The following NDST4 variants were observed in gnomAD, a reference collection of about 807,000 sequenced individuals.
NDST4 encodes N-deacetylase and N-sulfotransferase 4.
A neutral mutation model predicts 100.8 loss-of-function variants in NDST4; 63 were observed. The observed-to-expected ratio is 0.62, with a 90% CI of 0.51 to 0.77. NDST4 has a LOEUF of 0.77. Ranked by LOEUF, NDST4 falls within the 30% of genes least tolerant of loss-of-function variation. NDST4 has a pLI of 0.00. For synonymous variants in NDST4, 377 were observed against 361.8 expected (o/e 1.04, Z -0.48); for missense variants, 943 against 1,018.4 (o/e 0.93, Z 1.01).
chr4:115,022,486 A>ATGTGTTCCATATATATG (rs560000757), intron 2 of NDST4, among the ~76,000 whole-genome samples: 1 of 83,838 alleles, frequency 1.2e-5, no homozygotes, highest in African/African-American at 6.3e-5. Context: ...TTCCATATAT[A>ATGTGTTCCATATATATG]TGTTCCATAT....
intron 1 of NDST4, among the ~76,000 whole-genome samples, chr4:115,100,833 C>T (rs977947692): frequency 1.3e-5 from 2 of 150,620 alleles, no homozygotes; most frequent in Admixed American, 1.3e-4. Context: ...TCCTGCTCTG[C>T]CCTCCTTTCC....
chr4:114,897,636 T>G (rs1343303753), intron 6 of NDST4, among the ~76,000 whole-genome samples: 1 of 152,152 alleles, frequency 6.6e-6, no homozygotes, highest in Non-Finnish European at 1.5e-5. Flanking sequence ...TATGTTTAGT[T>G]TCATAAGAAA....
intron 2 of NDST4, among the ~76,000 whole-genome samples, chr4:115,025,444 A>G (rs768727408): frequency 2.0e-5 from 3 of 152,154 alleles, no homozygotes; most frequent in Non-Finnish European, 4.4e-5. Flanking sequence ...TAATTTGCTT[A>G]TGAACATGAA....
chr4:114,981,808 T>C (rs991683275), intron 2 of NDST4, among the ~76,000 whole-genome samples: 8 of 152,196 alleles, frequency 5.3e-5, no homozygotes, highest in African/African-American at 1.9e-4. Context: ...GTCATGTGCA[T>C]ATTCACATTT....
At chr4:114,988,014 C>G (rs954589696) in intron 2 of NDST4, among the ~76,000 whole-genome samples, 1 of 152,180 alleles carries the variant, frequency 6.6e-6, no homozygotes, top group Non-Finnish European at 1.5e-5. Flanking sequence ...CATTAACTCT[C>G]TGCAAGTGAT....
At chr4:114,993,647 A>G (rs1172736638) in intron 2 of NDST4, among the ~76,000 whole-genome samples, 1 of 151,944 alleles carries the variant, frequency 6.6e-6, no homozygotes, top group Non-Finnish European at 1.5e-5. Context: ...AAACCAAATG[A>G]TGAAGGCAAC....
At chr4:114,861,732 T>C (rs1485612199) in intron 7 of NDST4, among the ~76,000 whole-genome samples, 3 of 152,078 alleles carry the variant, frequency 2.0e-5, no homozygotes, top group Non-Finnish European at 2.9e-5. Context: ...AAGACCATTA[T>C]ATAATCCTAA....
chr4:114,845,299 G>A (rs181083390), intron 10 of NDST4, among the ~76,000 whole-genome samples: 5 of 152,140 alleles, frequency 3.3e-5, no homozygotes, highest in Admixed American at 2.0e-4. Context: ...GCCACTGCAC[G>A]CCAGCCTGGG....
intron 7 of NDST4, among the ~76,000 whole-genome samples, chr4:114,866,386 C>T (rs1425566508): frequency 6.6e-6 from 1 of 152,182 alleles, no homozygotes; most frequent in South Asian, 2.1e-4. Context: ...GAGCCTATAG[C>T]TTGTTGTTCC....
intron 9 of NDST4, among the ~76,000 whole-genome samples, chr4:114,846,586 C>A (rs141455689): frequency 1.3e-5 from 2 of 152,198 alleles, no homozygotes; most frequent in East Asian, 3.9e-4. Flanking sequence ...CCAGTTGATC[C>A]TGTGGTGCCT....
intron 2 of NDST4, among the ~76,000 whole-genome samples, chr4:115,052,786 C>T (rs1162020154): frequency 6.6e-6 from 1 of 152,052 alleles, no homozygotes; most frequent in East Asian, 1.9e-4. Flanking sequence ...ATTCATTCAA[C>T]AAATATTCAG....
chr4:115,025,146 G>GACCCC (rs912048927), intron 2 of NDST4, among the ~76,000 whole-genome samples: 1 of 152,006 alleles, frequency 6.6e-6, no homozygotes, highest in African/African-American at 2.4e-5. Context: ...AACAAAGACA[G>GACCCC]ACCCCACAAA....
intron 1 of NDST4, among the ~76,000 whole-genome samples, chr4:115,083,868 C>G (rs1304274117): frequency 6.6e-6 from 1 of 152,138 alleles, no homozygotes; most frequent in Non-Finnish European, 1.5e-5. Flanking sequence ...AATTAAACCT[C>G]TTTTCTTTAT....
chr4:114,857,934 A>G (rs1578347163), intron 7 of NDST4, among the ~76,000 whole-genome samples: 1 of 152,238 alleles, frequency 6.6e-6, no homozygotes, highest in Middle Eastern at 3.4e-3. Flanking sequence ...TACACCAGAG[A>G]GCATTTTATG....
At chr4:114,899,916 T>C (rs563628354) in intron 6 of NDST4, among the ~76,000 whole-genome samples, 3 of 152,262 alleles carry the variant, frequency 2.0e-5, no homozygotes, top group Non-Finnish European at 4.4e-5. Context: ...ATTGCTGTGA[T>C]TTTTTTCCTT....
chr4:114,895,218 T>A (rs1724687584), intron 6 of NDST4, among the ~76,000 whole-genome samples: 2 of 150,888 alleles, frequency 1.3e-5, no homozygotes, highest in Admixed American at 6.6e-5. Flanking sequence ...TTGAAAAAAA[T>A]TAACAAAATA....
At chr4:114,978,941 G>T (rs1255736371) in intron 2 of NDST4, among the ~76,000 whole-genome samples, 1 of 152,046 alleles carries the variant, frequency 6.6e-6, no homozygotes, top group Non-Finnish European at 1.5e-5. Context: ...CATGCAAATT[G>T]TTTAGCTAAG....
intron 2 of NDST4, among the ~76,000 whole-genome samples, chr4:115,001,291 T>C (rs1727284323): frequency 1.3e-5 from 2 of 152,046 alleles, no homozygotes; most frequent in South Asian, 4.1e-4. Context: ...CAGCATACAG[T>C]CAAACTAGGC....
chr4:114,981,258 G>C (rs376299086), intron 2 of NDST4, among the ~76,000 whole-genome samples: 1 of 123,988 alleles, frequency 8.1e-6, no homozygotes, highest in African/African-American at 3.0e-5. Flanking sequence ...AGGAAGGAAG[G>C]AAGGAAGGAA....
Sources: allele counts gnomAD v4.1 joint callset (sites outside exome capture counted in the v4.1 genomes callset), GRCh38; gene constraint gnomAD v4.1.1; transcripts MANE v1.5; gene names NCBI Gene and HGNC (gene_info 2026-07-23, HGNC 2026-07-21).